The following CLVS1 variants were observed in gnomAD, a reference collection of about 807,000 sequenced individuals.
CLVS1 encodes the protein clavesin 1.
In CLVS1, 10 loss-of-function variants were observed where a neutral mutation model predicts 33.1. That is an observed-to-expected ratio of 0.30 (90% confidence interval 0.19 to 0.51). CLVS1 has a LOEUF of 0.51. Among genes scored for constraint, CLVS1 ranks in the 20% least tolerant of loss-of-function variants. The pLI, the probability that CLVS1 is intolerant of heterozygous loss-of-function variation, is 0.97. For synonymous variants in CLVS1, 163 were observed against 166.1 expected (o/e 0.98, Z 0.14); for missense variants, 343 against 433.4 (o/e 0.79, Z 1.85).
chr8:61,497,341 C>A (rs77808583), intron 5 of CLVS1, among the ~76,000 whole-genome samples: 1,624 of 151,484 alleles, frequency 0.011, 34 homozygotes, highest in African/African-American at 0.038. Flanking sequence ...AGTAAAATCA[C>A]ATGAACAGAA....
intron 2 of CLVS1, among the ~76,000 whole-genome samples, chr8:61,154,237 T>A (rs1181640844): frequency 6.6e-6 from 1 of 152,156 alleles, no homozygotes; most frequent in African/African-American, 2.4e-5. Context: ...TTGTTTGTTT[T>A]TTGCTGGTGG....
the CLVS1 span, among the ~76,000 whole-genome samples, chr8:61,001,004 T>G: frequency 6.6e-6 from 1 of 152,148 alleles, no homozygotes; most frequent in Non-Finnish European, 1.5e-5. Flanking sequence ...TTGTCTGTAG[T>G]CTCCCCAACT....
chr8:61,068,257 A>ATG (rs1804723948), intron 1 of CLVS1, among the ~76,000 whole-genome samples: 1 of 147,546 alleles, frequency 6.8e-6, no homozygotes, highest in African/African-American at 2.5e-5. Context: ...ATGTATATAT[A>ATG]TACATACATA....
At chr8:61,050,020 T>G in the CLVS1 span, among the ~76,000 whole-genome samples, 1 of 152,260 alleles carries the variant, frequency 6.6e-6, no homozygotes, top group African/African-American at 2.4e-5. Context: ...GCTATTGTCT[T>G]TAACACAATA....
intron 5 of CLVS1, among the ~76,000 whole-genome samples, chr8:61,494,045 C>G (rs955747675): frequency 1.3e-5 from 2 of 152,116 alleles, no homozygotes; most frequent in Non-Finnish European, 1.5e-5. Flanking sequence ...GATAAGGTAG[C>G]TAAATAAATT....
chr8:61,044,388 C>G, the CLVS1 span, among the ~76,000 whole-genome samples: 1 of 152,124 alleles, frequency 6.6e-6, no homozygotes, highest in South Asian at 2.1e-4. Context: ...TGGGTATAAT[C>G]AGCCCCACCA....
At chr8:60,983,493 C>G in the CLVS1 span, among the ~76,000 whole-genome samples, 23 of 152,270 alleles carry the variant, frequency 1.5e-4, no homozygotes, top group Non-Finnish European at 2.1e-4. Context: ...TTTCAAAAAG[C>G]CTTTGCTGCC....
At chr8:61,418,515 T>C (rs1306274336) in intron 3 of CLVS1, among the ~76,000 whole-genome samples, 1 of 152,232 alleles carries the variant, frequency 6.6e-6, no homozygotes, top group African/African-American at 2.4e-5. Flanking sequence ...CTATTACTAA[T>C]GTATATTCTT....
At chr8:61,074,477 AT>A (rs1804871659) in intron 1 of CLVS1, among the ~76,000 whole-genome samples, 1 of 142,660 alleles carries the variant, frequency 7.0e-6, no homozygotes, top group African/African-American at 2.5e-5. Context: ...TTATATATAT[AT>A]AAGTATATGT....
intron 2 of CLVS1, among the ~76,000 whole-genome samples, chr8:61,195,207 C>G (rs1166354808): frequency 6.6e-6 from 1 of 151,318 alleles, no homozygotes; most frequent in Admixed American, 6.6e-5. Context: ...AAATATAAAA[C>G]AGAGAATCAA....
At chr8:61,026,643 C>A in the CLVS1 span, among the ~76,000 whole-genome samples, 12 of 152,300 alleles carry the variant, frequency 7.9e-5, 1 homozygote, top group East Asian at 2.3e-3. Context: ...GTACTGAAGT[C>A]TGTGGAGCGC....
intron 3 of CLVS1, among the ~76,000 whole-genome samples, chr8:61,397,816 G>C (rs1814589771): frequency 6.6e-6 from 1 of 152,154 alleles, no homozygotes; most frequent in African/African-American, 2.4e-5. Flanking sequence ...GACCATAAAT[G>C]TAAGGGTTTA....
the CLVS1 span, among the ~76,000 whole-genome samples, chr8:61,011,221 G>A: frequency 6.6e-6 from 1 of 152,316 alleles, no homozygotes; most frequent in African/African-American, 2.4e-5. Context: ...AGCTATGATT[G>A]TGCCACTGAG....
intron 2 of CLVS1, among the ~76,000 whole-genome samples, chr8:61,144,546 A>T (rs1424479218): frequency 1.3e-5 from 2 of 152,158 alleles, no homozygotes; most frequent in Non-Finnish European, 2.9e-5. Flanking sequence ...TAGTAGAATG[A>T]TGTATAATCC....
chr8:61,415,067 C>A (rs1024096619), intron 3 of CLVS1, among the ~76,000 whole-genome samples: 1 of 152,260 alleles, frequency 6.6e-6, no homozygotes, highest in Non-Finnish European at 1.5e-5. Flanking sequence ...TGCAATGCTG[C>A]TCTGGGCAAA....
At chr8:61,123,773 A>G (rs2129290108) in intron 1 of CLVS1, among the ~76,000 whole-genome samples, 2 of 152,186 alleles carry the variant, frequency 1.3e-5, no homozygotes, top group South Asian at 4.2e-4. Flanking sequence ...ACCCCTGCTC[A>G]CTCAGCCAGG....
chr8:61,335,851 T>C (rs1024970381), intron 2 of CLVS1, among the ~76,000 whole-genome samples: 1 of 152,186 alleles, frequency 6.6e-6, no homozygotes, highest in Non-Finnish European at 1.5e-5. Context: ...ATGGGGCACG[T>C]GTTCCCTGCA....
At chr8:61,135,911 G>A (rs960740824) in intron 2 of CLVS1, among the ~76,000 whole-genome samples, 1 of 152,212 alleles carries the variant, frequency 6.6e-6, no homozygotes, top group Non-Finnish European at 1.5e-5. Flanking sequence ...CTCCCCGCTG[G>A]GCCTGTGCCC....
At chr8:61,260,395 C>A (rs1809176557) in intron 2 of CLVS1, among the ~76,000 whole-genome samples, 3 of 152,172 alleles carry the variant, frequency 2.0e-5, no homozygotes, top group Admixed American at 1.3e-4. Flanking sequence ...AAGCAAACAG[C>A]AAACACATAG....
Sources: gnomAD v4.1 joint callset for allele counts (sites outside exome capture counted in the v4.1 genomes callset) on GRCh38, gnomAD v4.1.1 for gene constraint, MANE v1.5 for transcripts, NCBI Gene and HGNC (gene_info 2026-07-23, HGNC 2026-07-21) for gene names.